Variants in ALDH3B2 observed in about 807,000 individuals in gnomAD.
ALDH3B2 encodes aldehyde dehydrogenase family 3 member B2.
A neutral mutation model predicts 36.7 loss-of-function variants in ALDH3B2; 45 were observed. The ratio of observed to expected loss-of-function variants is 1.23; its 90% confidence interval spans 0.97 to 1.57. The LOEUF (loss-of-function observed/expected upper bound fraction) is 1.57. ALDH3B2 is among the 40% of genes most tolerant of loss of function. The pLI is 0.00. For synonymous variants in ALDH3B2, 217 were observed against 226.5 expected, an observed-to-expected ratio of 0.96 and a Z score of 0.38; for missense variants, 464 against 513.3, an observed-to-expected ratio of 0.90 and a Z score of 0.93.
upstream of ALDH3B2, among the ~76,000 whole-genome samples, chr11:67,676,689 A>G (rs1390756922): frequency 6.6e-6 from 1 of 152,168 alleles, no homozygotes; most frequent in African/African-American, 2.4e-5. Context: ...GATAAATAAA[A>G]TTGATAGATC....
At chr11:67,664,859 A>C (rs1263472372) in intron 7 of ALDH3B2, among the ~76,000 whole-genome samples, 1 of 152,208 alleles carries the variant, frequency 6.6e-6, no homozygotes, top group Non-Finnish European at 1.5e-5. Context: ...ATGAGGCAGC[A>C]GCGTCCCAGA....
intron 6 of ALDH3B2, 112 bp from the exon 7 acceptor site, chr11:67,665,783 G>A: frequency 1.4e-6 from 2 of 1,464,080 alleles, no homozygotes; most frequent in Non-Finnish European, 1.8e-6. Context: ...GGGCTTCCTA[G>A]GGACATGGTG....
intron 1 of ALDH3B2, among the ~76,000 whole-genome samples, chr11:67,673,381 C>A (rs559790665): frequency 6.6e-6 from 1 of 152,134 alleles, no homozygotes; most frequent in Non-Finnish European, 1.5e-5. Context: ...ACAATGACAC[C>A]GGAAACAATA....
chr11:67,676,960 T>A (rs116091371), upstream of ALDH3B2, among the ~76,000 whole-genome samples: 1,354 of 152,120 alleles, frequency 8.9e-3, 25 homozygotes, highest in African/African-American at 0.031. Context: ...GTGGTAATTT[T>A]AAAATTACCA....
At chr11:67,664,548 C>T (rs1180145712) in exon 8 of ALDH3B2, 6 of 1,613,550 alleles carry the variant, frequency 3.7e-6, no homozygotes, top group Admixed American at 1.7e-5. Flanking sequence ...TGCACGTCCA[C>T]CAGCACCGTG....
chr11:67,675,583 G>C (rs1457603882), upstream of ALDH3B2, among the ~76,000 whole-genome samples: 3 of 152,216 alleles, frequency 2.0e-5, no homozygotes, highest in Non-Finnish European at 4.4e-5. Flanking sequence ...AGGGACATCT[G>C]AGATAACCCT....
At chr11:67,665,781 T>G in intron 6 of ALDH3B2, 110 bp from the exon 7 acceptor site, 1 of 1,470,930 alleles carries the variant, frequency 6.8e-7, no homozygotes. Flanking sequence ...GCGGGCTTCC[T>G]AGGGACATGG....
chr11:67,678,392 G>T (rs180923952), upstream of ALDH3B2, among the ~76,000 whole-genome samples: 128 of 152,156 alleles, frequency 8.4e-4, 1 homozygote, highest in South Asian at 8.9e-3. Context: ...TTCAACAAAT[G>T]GTCCTGGGAT....
chr11:67,665,140 G>T, intron 7 of ALDH3B2, 145 bp downstream of exon 7: 2 of 1,397,712 alleles, frequency 1.4e-6, no homozygotes, highest in African/African-American at 1.4e-5. Flanking sequence ...AGACGGAATC[G>T]TGGCACCAGA....
At chr11:67,666,541 G>A (rs1273596417) in intron 4 of ALDH3B2, 33 bp downstream of exon 4, 1 of 1,613,178 alleles carries the variant, frequency 6.2e-7, no homozygotes, top group South Asian at 1.1e-5. Context: ...CTACTGGGCG[G>A]GGAGAGCATG....
chr11:67,669,717 C>CGTATGGGTGTCTGTGTGT (rs1388343143), intron 1 of ALDH3B2, among the ~76,000 whole-genome samples: 1 of 64,016 alleles, frequency 1.6e-5, no homozygotes, highest in Non-Finnish European at 3.0e-5. Context: ...TGTCTGTGTG[C>CGTATGGGTGTCTGTGTGT]GTATGGGTGT....
intron 8 of ALDH3B2, 71 bp downstream of exon 8, chr11:67,664,325 T>C (rs1478461403): frequency 6.2e-7 from 1 of 1,603,106 alleles, no homozygotes; most frequent in Admixed American, 1.7e-5. Flanking sequence ...TGGGAAGGGC[T>C]GTGAAAGGAA....
At chr11:67,677,573 T>C (rs149117785), upstream of ALDH3B2, among the ~76,000 whole-genome samples, 241 of 152,130 alleles carry the variant, frequency 1.6e-3, 4 homozygotes, top group East Asian at 7.0e-3. Flanking sequence ...TCACCACTCC[T>C]CTTCAACATA....
At chr11:67,664,195 C>T in intron 8 of ALDH3B2, 3 of 789,144 alleles carry the variant, frequency 3.8e-6, no homozygotes, top group East Asian at 2.7e-5. Flanking sequence ...GATGGACCCG[C>T]TAAGTGTCTG....
At chr11:67,663,545 C>A in intron 9 of ALDH3B2, 117 bp downstream of exon 9, 2 of 1,357,404 alleles carry the variant, frequency 1.5e-6, no homozygotes, top group Non-Finnish European at 1.0e-6. Flanking sequence ...GATAGGGAAA[C>A]TGAGGCCTTG....
exon 10 of ALDH3B2, chr11:67,663,361 A>C (rs780838533): frequency 6.2e-7 from 1 of 1,613,878 alleles, no homozygotes; most frequent in Non-Finnish European, 8.5e-7. Context: ...AAGGTGTCGA[A>C]GGTGAACTTG....
At position 67,663,788 on chromosome 11, in the gene ALDH3B2, T is replaced by G. The variant is rs769049154; in HGVS notation, c.874-27A>C. 12 of 1,591,096 alleles carry G rather than the reference T, an allele frequency of 7.5e-6. No homozygotes were observed. The East Asian group carries it at 2.7e-4, about 36-fold the overall frequency. On this transcript the variant is annotated intron_variant, in intron 8 of 9. Transcript: ENST00000349015. ...TGCCAGGGAGTGAGAAGGTGGGTGT[T>G]GGGCTCTAGTCATGAGAAGAGGGCT...
chr11:67,672,361 G>T (rs4587733), intron 1 of ALDH3B2, among the ~76,000 whole-genome samples: 109,291 of 150,936 alleles, frequency 0.72, 41,597 homozygotes, highest in South Asian at 0.9. Flanking sequence ...CACCATGTTG[G>T]TCAGGCTGGT....
chr11:67,665,816 C>T (rs1855892472), intron 6 of ALDH3B2, 145 bp from the exon 7 acceptor site: 1 of 1,294,418 alleles, frequency 7.7e-7, no homozygotes, highest in Non-Finnish European at 1.1e-6. Flanking sequence ...CCTCAACTGG[C>T]CTTGACCACA....
Sources: gnomAD v4.1 joint callset for allele counts (sites outside exome capture counted in the v4.1 genomes callset) on GRCh38, gnomAD v4.1.1 for gene constraint, MANE v1.5 for transcripts, NCBI Gene and HGNC (gene_info 2026-07-23, HGNC 2026-07-21) for gene names.